Variants in UBTD1 observed in about 807,000 individuals in gnomAD.
UBTD1 encodes the protein ubiquitin domain containing 1.
In UBTD1, 19 loss-of-function variants were observed where a neutral mutation model predicts 21.7. The ratio of observed to expected loss-of-function variants is 0.87; its 90% CI spans 0.61 to 1.28. The LOEUF is 1.28. Ranked by LOEUF, UBTD1 falls within the 50% of genes most tolerant of loss-of-function variation. UBTD1 has a pLI of 0.00. For synonymous variants in UBTD1, 116 were observed against 135.1 expected (o/e 0.86, Z 0.98); for missense variants, 282 against 315.1 (o/e 0.89, Z 0.80).
chr10:97,525,755 G>A (rs1167113999), intron 1 of UBTD1, among the ~76,000 whole-genome samples: 3 of 152,198 alleles, frequency 2.0e-5, no homozygotes, highest in African/African-American at 7.2e-5. Context: ...TGCATTGTCT[G>A]TCTCTCCTGC....
intron 1 of UBTD1, among the ~76,000 whole-genome samples, chr10:97,520,223 T>A (rs534129827): frequency 6.6e-6 from 1 of 152,316 alleles, no homozygotes; most frequent in East Asian, 1.9e-4. Flanking sequence ...ATGCTGTTTC[T>A]TACCCATCCT....
At chr10:97,527,377 C>T (rs2040494547) in intron 1 of UBTD1, among the ~76,000 whole-genome samples, 1 of 151,862 alleles carries the variant, frequency 6.6e-6, no homozygotes, top group African/African-American at 2.4e-5. Context: ...AGAGGCTCTC[C>T]CATCCCTTAG....
chr10:97,519,176 C>T (rs1240020614), intron 1 of UBTD1, among the ~76,000 whole-genome samples: 1 of 152,236 alleles, frequency 6.6e-6, no homozygotes, highest in Non-Finnish European at 1.5e-5. Flanking sequence ...AAGGAGACCT[C>T]ATAGTGTCAT....
intron 1 of UBTD1, among the ~76,000 whole-genome samples, chr10:97,500,185 T>C (rs1277880173): frequency 6.6e-6 from 1 of 152,188 alleles, no homozygotes; most frequent in Non-Finnish European, 1.5e-5. Flanking sequence ...CACAGCTAGT[T>C]AGGAGCTCAC....
At chr10:97,521,358 T>C (rs2040466282) in intron 1 of UBTD1, among the ~76,000 whole-genome samples, 1 of 152,166 alleles carries the variant, frequency 6.6e-6, no homozygotes, top group African/African-American at 2.4e-5. Flanking sequence ...AGTGGAAGTT[T>C]CCAGGAGTTA....
intron 1 of UBTD1, among the ~76,000 whole-genome samples, chr10:97,558,174 G>A (rs1057233151): frequency 3.3e-5 from 5 of 152,084 alleles, no homozygotes; most frequent in Admixed American, 3.3e-4. Context: ...TGGTCTTGGT[G>A]GTTGGGCCTA....
chr10:97,550,152 G>A lies in UBTD1; in HGVS notation c.71-17762G>A, dbSNP rs1037014396. ...CCTTCTCCCGTCTGGTGTGAGAGCC[G>A]TGTCTCTCACACCAGCCAGAGCAAG... On this transcript the variant is annotated intron_variant, in intron 1 of 2. Transcript: ENST00000370664. Among the ~76,000 whole-genome samples, 88 of 152,130 alleles carry A rather than the reference G, an allele frequency of 5.8e-4. 5 individuals are homozygous for A. The highest frequency in any genetic ancestry group is 2.9e-5 in the Non-Finnish European group (2 of 68,026).
intron 1 of UBTD1, among the ~76,000 whole-genome samples, chr10:97,540,978 G>A (rs961364370): frequency 6.6e-6 from 1 of 152,190 alleles, no homozygotes; most frequent in Non-Finnish European, 1.5e-5. Flanking sequence ...TGTCAGCTGC[G>A]TGTGTGTCCA....
At chr10:97,530,672 A>G (rs2040525083) in intron 1 of UBTD1, among the ~76,000 whole-genome samples, 1 of 152,176 alleles carries the variant, frequency 6.6e-6, no homozygotes, top group Non-Finnish European at 1.5e-5. Context: ...AGCTGGTTTC[A>G]GATTAAAATA....
intron 1 of UBTD1, among the ~76,000 whole-genome samples, chr10:97,506,214 TC>T: frequency 6.6e-6 from 1 of 152,316 alleles, no homozygotes; most frequent in East Asian, 1.9e-4. Context: ...GCCTCAAGGT[TC>T]CAAGTAGCAA....
Position 97,570,446 on chromosome 10 carries a change from C to A in UBTD1, c.607C>A (p.Arg203=). The A allele has an allele frequency of 6.2e-7, 1 of 1,613,112 alleles. No homozygotes were observed. The highest frequency in any genetic ancestry group is 8.5e-7 in the Non-Finnish European group (1 of 1,179,872). Residue 203 remains arginine, a synonymous_variant, in exon 3 of 3, where the codon CGG becomes AGG. Transcript: ENST00000370664. This position sits in a 1 kb window ranked among gnomAD's most constrained non-coding sequence, Gnocchi z 6.6. ...CGGGAAGCTGCTCACAGACCGCACA[C>A]GGCTCCAGGAGACCAAGATCCAGAA... is the stretch of plus-strand genomic sequence containing the variant. The part of the protein sequence containing the change: ...FSGKLLTDRT[R]LQETKIQKDF...
At chr10:97,562,025 T>G (rs2040694846) in intron 1 of UBTD1, among the ~76,000 whole-genome samples, 1 of 152,166 alleles carries the variant, frequency 6.6e-6, no homozygotes, top group South Asian at 2.1e-4. Context: ...GAAAAACGAG[T>G]TCAGGCCATG....
intron 1 of UBTD1, among the ~76,000 whole-genome samples, chr10:97,535,870 ACCGCACT>A (rs1336752341): frequency 1.3e-5 from 2 of 151,934 alleles, no homozygotes; most frequent in African/African-American, 2.4e-5. Context: ...GTGAGCCATG[ACCGCACT>A]ACTGCACTCT....
At chr10:97,549,572 C>T (rs1259299308) in intron 1 of UBTD1, among the ~76,000 whole-genome samples, 1 of 152,220 alleles carries the variant, frequency 6.6e-6, no homozygotes, top group Admixed American at 6.5e-5. Flanking sequence ...CATCCTAGAG[C>T]CGAGAAGGGG....
intron 1 of UBTD1, among the ~76,000 whole-genome samples, chr10:97,554,042 G>A (rs1034782696): frequency 1.3e-5 from 2 of 152,146 alleles, no homozygotes; most frequent in African/African-American, 4.8e-5. Context: ...CTTCAGGCAC[G>A]TGTGTGGCCT....
At chr10:97,535,519 G>A (rs1027016410) in intron 1 of UBTD1, among the ~76,000 whole-genome samples, 3 of 152,182 alleles carry the variant, frequency 2.0e-5, no homozygotes, top group African/African-American at 4.8e-5. Flanking sequence ...GGAGGCTGAG[G>A]CAGGAGAATC....
chr10:97,534,251 T>A (rs988844232), intron 1 of UBTD1, among the ~76,000 whole-genome samples: 4 of 152,248 alleles, frequency 2.6e-5, no homozygotes, highest in African/African-American at 7.2e-5. Context: ...TGGTTCATTC[T>A]GTCAGCTTTT....
At chr10:97,528,162 G>T (rs1318738308) in intron 1 of UBTD1, among the ~76,000 whole-genome samples, 1 of 116,410 alleles carries the variant, frequency 8.6e-6, no homozygotes, top group East Asian at 3.0e-4. Flanking sequence ...GGGGCGGCTG[G>T]CCGGGCGGGG....
intron 1 of UBTD1, among the ~76,000 whole-genome samples, chr10:97,554,138 G>A (rs976109053): frequency 6.6e-5 from 10 of 152,142 alleles, no homozygotes; most frequent in Admixed American, 6.5e-5. Flanking sequence ...GAGAAAATGA[G>A]ATGCATGGAC....
Sources: allele counts gnomAD v4.1 joint callset (sites outside exome capture counted in the v4.1 genomes callset), GRCh38; gene constraint gnomAD v4.1.1; non-coding constraint Gnocchi (gnomAD v3.1); transcripts MANE v1.5; gene names NCBI Gene and HGNC (gene_info 2026-07-23, HGNC 2026-07-21).